The following FBXO28 variants were observed in gnomAD, a reference collection of about 807,000 sequenced individuals.
The protein encoded by FBXO28 is F-box only protein 28.
FBXO28 carries 8 observed loss-of-function variants against 38.1 expected under a neutral mutation model. The ratio of observed to expected loss-of-function variants is 0.21; its 90% confidence interval spans 0.12 to 0.38. The LOEUF is 0.38. Among genes scored for constraint, FBXO28 ranks in the 10% least tolerant of loss-of-function variants. FBXO28 has a pLI of 1.00. For missense variants in FBXO28, 345 were observed against 460.6 expected (o/e 0.75, Z 2.30); for synonymous variants, 168 against 173.8 (o/e 0.97, Z 0.26).
At chr1:224,139,945 G>T (rs138789815) in intron 3 of FBXO28, among the ~76,000 whole-genome samples, 4 of 152,126 alleles carry the variant, frequency 2.6e-5, no homozygotes, top group African/African-American at 7.2e-5. Flanking sequence ...AAATTAATTA[G>T]CTGGGTGTGG....
At chr1:224,144,840 T>C (rs1657459655) in intron 3 of FBXO28, among the ~76,000 whole-genome samples, 1 of 152,108 alleles carries the variant, frequency 6.6e-6, no homozygotes, top group Admixed American at 6.6e-5. Context: ...AATTTTTGCT[T>C]TACAAACATG....
At chr1:224,138,018 A>G (rs559893554) in intron 3 of FBXO28, among the ~76,000 whole-genome samples, 2 of 151,950 alleles carry the variant, frequency 1.3e-5, no homozygotes, top group East Asian at 3.9e-4. Context: ...ACTTGAGATC[A>G]GGAGTTCAAG....
intron 1 of FBXO28, among the ~76,000 whole-genome samples, chr1:224,123,102 A>G (rs915530395): frequency 1.3e-5 from 2 of 152,044 alleles, no homozygotes; most frequent in African/African-American, 4.8e-5. Context: ...ATAGGTTCTG[A>G]TGTCTTTAAG....
intron 3 of FBXO28, among the ~76,000 whole-genome samples, chr1:224,135,623 AAAAAAAAAAAAAG>A (rs1657159748): frequency 7.5e-6 from 1 of 133,486 alleles, no homozygotes; most frequent in Admixed American, 8.5e-5. Context: ...AAAAAAAAAA[AAAAAAAAAAAAAG>A]AAAAAGAAAA....
intron 1 of FBXO28, among the ~76,000 whole-genome samples, chr1:224,117,494 G>A (rs1656670789): frequency 6.6e-6 from 1 of 151,884 alleles, no homozygotes; most frequent in Non-Finnish European, 1.5e-5. Flanking sequence ...GATGTATCCT[G>A]AGTCTGGTGG....
chr1:224,121,711 G>A (rs991903432), intron 1 of FBXO28, among the ~76,000 whole-genome samples: 1 of 151,818 alleles, frequency 6.6e-6, no homozygotes. Flanking sequence ...GCAGTGGTGC[G>A]ATCTTGGCTC....
intron 1 of FBXO28, among the ~76,000 whole-genome samples, 189 bp downstream of exon 1, chr1:224,114,585 G>GTCCTAGCTGCGGAGCTGGGGTTACT (rs6143647): frequency 0.41 from 61,650 of 151,210 alleles, 12,769 homozygotes; most frequent in East Asian, 0.56. Flanking sequence ...TCCCGATTGC[G>GTCCTAGCTGCGGAGCTGGGGTTACT]TCCTAGCTGC....
chr1:224,154,811 CAA>C (rs35624285), intron 4 of FBXO28, among the ~76,000 whole-genome samples: 9 of 118,702 alleles, frequency 7.6e-5, no homozygotes, highest in Non-Finnish European at 1.2e-4. Flanking sequence ...GACTCCGTCT[CAA>C]AAAAAAAAAA....
rs1657811788 is a variant in FBXO28 at position 224,158,011 on chromosome 1, A to G, written c.*265A>G. Reference sequence around the variant, plus strand: ...GAGGAGTTAACTTTTTTCTGTGCAGATAATGTTGAAAGTAAGTTAATTTGT... The same window carrying G: ...GAGGAGTTAACTTTTTTCTGTGCAGGTAATGTTGAAAGTAAGTTAATTTGT... On this transcript the variant is annotated 3_prime_UTR_variant, in exon 5 of 5. Coordinates refer to ENST00000366862, the MANE Select transcript of FBXO28 (RefSeq NM_015176.4). 3 of 1,207,360 alleles carry G rather than the reference A, an allele frequency of 2.5e-6. No individual in the cohort carries two copies. The highest frequency in any genetic ancestry group is 3.1e-5 in the African/African-American group (2 of 64,094). 74.8% of individuals were successfully genotyped at this position (1,207,360 alleles called of 1,614,324 possible).
Position 224,160,446 on chromosome 1 carries a change from G to A in FBXO28, c.*2700G>A, listed in dbSNP as rs1657879268. The stretch of plus-strand genomic sequence containing the variant: ...ACATAGAAATGTATTCTGGTACAGC[G>A]CTGCACACATGGATAGCAATGTGAA... On this transcript the variant is annotated 3_prime_UTR_variant, in exon 5 of 5. Transcript: ENST00000366862. The A allele has an allele frequency of 6.6e-6, 1 of 152,116 alleles. No individual in the cohort carries two copies. The highest frequency in any genetic ancestry group is 1.5e-5 in the Non-Finnish European group (1 of 68,026). 9.4% of individuals were successfully genotyped at this position (152,116 alleles called of 1,614,324 possible). A position where few individuals can be genotyped will look rare whatever the true frequency, so the allele number is the denominator to read the frequency against.
At chr1:224,126,766 C>T (rs1459872562) in intron 1 of FBXO28, among the ~76,000 whole-genome samples, 2 of 152,122 alleles carry the variant, frequency 1.3e-5, no homozygotes, top group African/African-American at 4.8e-5. Flanking sequence ...GCCGAGATCA[C>T]GCCACTGCAC....
chr1:224,157,885 G>A lies in FBXO28; in HGVS notation c.*139G>A. 7.0e-7 allele frequency: 1 copy of A among 1,429,902 alleles called. No individual in the cohort carries two copies. The allele number at this position is 1,429,902 out of a possible 1,614,324, so 88.6% of individuals were successfully genotyped here. ...CACAACTTAAACTTGAACTCTTATG[G>A]TTGGGACATTCTTTTCCTGCTTCTC... On this transcript the variant is annotated 3_prime_UTR_variant, in exon 5 of 5. Transcript: ENST00000366862.
intron 4 of FBXO28, among the ~76,000 whole-genome samples, chr1:224,154,640 C>G (rs1657726936): frequency 6.7e-6 from 1 of 149,902 alleles, no homozygotes; most frequent in South Asian, 2.1e-4. Flanking sequence ...AACCCCGTCT[C>G]TACTAAAAAT....
intron 3 of FBXO28, among the ~76,000 whole-genome samples, chr1:224,147,316 G>A (rs995350363): frequency 6.6e-5 from 10 of 151,308 alleles, no homozygotes; most frequent in Admixed American, 1.3e-4. Flanking sequence ...CCAGCTACTC[G>A]GGAGGCTGAG....
At chr1:224,143,170 C>T (rs1229900999) in intron 3 of FBXO28, among the ~76,000 whole-genome samples, 1 of 139,604 alleles carries the variant, frequency 7.2e-6, no homozygotes, top group East Asian at 2.1e-4. Context: ...AGTGAGCCAA[C>T]ATCGTGCCAC....
At chr1:224,152,315 A>G (rs904947039) in intron 3 of FBXO28, among the ~76,000 whole-genome samples, 1 of 152,196 alleles carries the variant, frequency 6.6e-6, no homozygotes, top group African/African-American at 2.4e-5. Context: ...GATAGAGCAC[A>G]TGGGGGCAGT....
At chr1:224,121,437 A>G (rs1656772043) in intron 1 of FBXO28, among the ~76,000 whole-genome samples, 1 of 152,224 alleles carries the variant, frequency 6.6e-6, no homozygotes, top group South Asian at 2.1e-4. Flanking sequence ...AATTTCATAT[A>G]CATATATATG....
At chr1:224,129,389 C>T (rs533298736) in intron 1 of FBXO28, among the ~76,000 whole-genome samples, 12 of 152,106 alleles carry the variant, frequency 7.9e-5, no homozygotes, top group Non-Finnish European at 1.6e-4. Context: ...AGGCCTTGGC[C>T]ATCATAAGCT....
chr1:224,141,655 C>T (rs549891320), intron 3 of FBXO28, among the ~76,000 whole-genome samples: 10 of 119,006 alleles, frequency 8.4e-5, no homozygotes, highest in Non-Finnish European at 1.8e-4. Flanking sequence ...CAAACCTGTA[C>T]AGCATGTTAC....
Sources: gnomAD v4.1 joint callset for allele counts (sites outside exome capture counted in the v4.1 genomes callset) on GRCh38, gnomAD v4.1.1 for gene constraint, MANE v1.5 for transcripts, NCBI Gene and HGNC (gene_info 2026-07-23, HGNC 2026-07-21) for gene names.